TESK2: variants seen among roughly 807,000 people sequenced by gnomAD.
The protein encoded by TESK2 is testis associated actin remodelling kinase 2.
A neutral mutation model predicts 57.1 loss-of-function variants in TESK2; 39 were observed. The ratio of observed to expected loss-of-function variants is 0.68; its 90% CI spans 0.53 to 0.89. TESK2 has a LOEUF of 0.89. TESK2 is among the 40% of genes least tolerant of loss of function. The probability of loss-of-function intolerance (pLI) is 0.00; values close to 1 mark genes in which losing one functional copy is unlikely to be tolerated. For missense variants in TESK2, 646 were observed against 732.1 expected (o/e 0.88, Z 1.36); for synonymous variants, 249 against 267.9 (o/e 0.93, Z 0.69).
chr1:45,398,216 G>A (rs1370058698), intron 3 of TESK2, among the ~76,000 whole-genome samples: 1 of 151,836 alleles, frequency 6.6e-6, no homozygotes, highest in African/African-American at 2.4e-5. Context: ...GCCTGTCACT[G>A]AATTCTTAAA....
At chr1:45,394,614 A>G (rs1649280104) in intron 3 of TESK2, among the ~76,000 whole-genome samples, 1 of 141,818 alleles carries the variant, frequency 7.1e-6, no homozygotes, top group African/African-American at 2.6e-5. Flanking sequence ...TGCAGTGAGT[A>G]GCAAAGCCTT....
At chr1:45,470,754 G>A (rs914268187) in intron 1 of TESK2, among the ~76,000 whole-genome samples, 5 of 152,280 alleles carry the variant, frequency 3.3e-5, no homozygotes, top group South Asian at 2.1e-4. Flanking sequence ...GTAGCCACTA[G>A]GTGCAAGGCT....
intron 1 of TESK2, among the ~76,000 whole-genome samples, chr1:45,475,209 CTT>C (rs375872140): frequency 4.4e-5 from 5 of 113,152 alleles, no homozygotes; most frequent in South Asian, 2.9e-4. Flanking sequence ...TTAGCCTGGC[CTT>C]TTTTTTTTTT....
At chr1:45,358,145 C>A (rs1647522312) in intron 4 of TESK2, among the ~76,000 whole-genome samples, 1 of 151,508 alleles carries the variant, frequency 6.6e-6, no homozygotes, top group Non-Finnish European at 1.5e-5. Flanking sequence ...ATCCCCGTCT[C>A]TACTAAAAAT....
chr1:45,421,941 G>A, intron 2 of TESK2, 95 bp from the exon 3 acceptor site: 2 of 1,384,950 alleles, frequency 1.4e-6, no homozygotes, highest in East Asian at 2.3e-5. Context: ...AGATATTTTT[G>A]TGCCACTTTA....
chr1:45,407,677 C>T (rs1160398030), intron 3 of TESK2, among the ~76,000 whole-genome samples: 4 of 152,172 alleles, frequency 2.6e-5, no homozygotes, highest in South Asian at 2.1e-4. Flanking sequence ...CACATGTTCT[C>T]TTGCCTGCAG....
At chr1:45,472,463 C>T (rs1273969049) in intron 1 of TESK2, among the ~76,000 whole-genome samples, 1 of 149,618 alleles carries the variant, frequency 6.7e-6, no homozygotes, top group Non-Finnish European at 1.5e-5. Flanking sequence ...GAGGCTAAGG[C>T]AGAAGAATCG....
rs1652807986 is a variant in TESK2 at position 45,472,472 on chromosome 1, C to T, written c.-86-14601G>A. ...ACTTGGGAGGCTAAGGCAGAAGAAT[C>T]GCTTGAACCCAGGAGGCAGAAATTG... On this transcript the variant is annotated intron_variant, in intron 1 of 10. Coordinates refer to ENST00000372086, the MANE Select transcript of TESK2 (RefSeq NM_007170.3). 6.0e-5 allele frequency among the ~76,000 whole-genome samples: 9 copies of T among 150,028 alleles called. No individual in the cohort carries two copies. The South Asian group carries it at 1.9e-3, about 32-fold the overall frequency.
rs117931068 is a variant in TESK2 at position 45,414,998 on chromosome 1, G to A, written c.344+6727C>T. Reference sequence around the variant, plus strand: ...GTGCTTTGTGGACACTGCTGCCACCGCCAGGAGCCCCGTACTATCAGCCAT... The same window carrying A: ...GTGCTTTGTGGACACTGCTGCCACCACCAGGAGCCCCGTACTATCAGCCAT... On this transcript the variant is annotated intron_variant, in intron 3 of 10. Coordinates refer to ENST00000372086, the MANE Select transcript of TESK2 (RefSeq NM_007170.3). The A allele has an allele frequency of 2.9e-3, 2,284 of 788,978 alleles. 47 individuals are homozygous for A. The Admixed American group carries it at 0.032, about 11-fold the overall frequency. The allele number at this position is 788,978 out of a possible 1,614,324, so 48.9% of individuals were successfully genotyped here. A position where few individuals can be genotyped will look rare whatever the true frequency, so the allele number is the denominator to read the frequency against.
intron 1 of TESK2, among the ~76,000 whole-genome samples, chr1:45,475,437 C>T (rs1354742727): frequency 6.6e-6 from 1 of 151,976 alleles, no homozygotes; most frequent in Admixed American, 6.6e-5. Context: ...GAACTCTTGA[C>T]CTCAGGTGAT....
chr1:45,422,759 T>TTTTTTGTTGTTGTTGTTGTTGTTG (rs1553152260), intron 2 of TESK2, among the ~76,000 whole-genome samples: 24 of 147,010 alleles, frequency 1.6e-4, no homozygotes, highest in East Asian at 6.3e-4. Context: ...TGTCTGGTTT[T>TTTTTTGTTGTTGTTGTTGTTGTTG]TTGTTGTTGT....
At chr1:45,351,110 A>G (rs562283850) in intron 5 of TESK2, among the ~76,000 whole-genome samples, 3 of 152,362 alleles carry the variant, frequency 2.0e-5, no homozygotes, top group South Asian at 2.1e-4. Flanking sequence ...CTCATTCCCA[A>G]CAGTAATCAC....
At chr1:45,394,318 G>A (rs1649269284) in intron 3 of TESK2, among the ~76,000 whole-genome samples, 1 of 145,350 alleles carries the variant, frequency 6.9e-6, no homozygotes, top group Non-Finnish European at 1.5e-5. Flanking sequence ...ACACACCACA[G>A]CTGGCTTTTT....
At chr1:45,410,617 A>T (rs549342391) in intron 3 of TESK2, among the ~76,000 whole-genome samples, 13 of 151,596 alleles carry the variant, frequency 8.6e-5, no homozygotes, top group South Asian at 6.3e-4. Flanking sequence ...AAAAAAAAAA[A>T]TTTTTTTTTA....
intron 1 of TESK2, among the ~76,000 whole-genome samples, chr1:45,477,192 C>T (rs1488467725): frequency 6.6e-6 from 1 of 150,922 alleles, no homozygotes; most frequent in East Asian, 1.9e-4. Flanking sequence ...GAAATCGCAC[C>T]ACTGCACTCC....
At chr1:45,411,761 TG>T (rs1470420824) in intron 3 of TESK2, among the ~76,000 whole-genome samples, 9 of 152,352 alleles carry the variant, frequency 5.9e-5, no homozygotes, top group African/African-American at 1.9e-4. Flanking sequence ...AAGTGATAAC[TG>T]CCTCTTTGGC....
At chr1:45,354,852 T>C (rs12739925) in intron 5 of TESK2, among the ~76,000 whole-genome samples, 2 of 118,756 alleles carry the variant, frequency 1.7e-5, no homozygotes, top group Non-Finnish European at 3.3e-5. Flanking sequence ...ATATATATGT[T>C]GGCTCACTCA....
intron 4 of TESK2, among the ~76,000 whole-genome samples, chr1:45,384,323 C>CCATGTATGTATGTATGTATGTATGTATG (rs556693124): frequency 6.7e-6 from 1 of 150,364 alleles, no homozygotes; most frequent in African/African-American, 2.5e-5. Flanking sequence ...GGGTCTCACT[C>CCATGTATGTATGTATGTATGTATGTATG]TATGTATGTA....
intron 1 of TESK2, among the ~76,000 whole-genome samples, chr1:45,460,742 C>G (rs1041270446): frequency 1.3e-5 from 2 of 152,082 alleles, no homozygotes; most frequent in African/African-American, 4.8e-5. Context: ...CTAGGCAACA[C>G]AGCAAGACCC....
Sources: allele counts gnomAD v4.1 joint callset (sites outside exome capture counted in the v4.1 genomes callset), GRCh38; gene constraint gnomAD v4.1.1; transcripts MANE v1.5; gene names NCBI Gene and HGNC (gene_info 2026-07-23, HGNC 2026-07-21).